Variants in ARHGAP8 observed in about 807,000 individuals in gnomAD.
ARHGAP8 encodes rho GTPase-activating protein 8.
ARHGAP8 carries 62 observed loss-of-function variants against 46.1 expected under a neutral mutation model. The ratio of observed to expected loss-of-function variants is 1.34; its 90% CI spans 1.10 to 1.66. The LOEUF (loss-of-function observed/expected upper bound fraction) is 1.66. Ranked by LOEUF, ARHGAP8 falls within the 40% of genes most tolerant of loss-of-function variation. ARHGAP8 has a pLI of 0.00. For synonymous variants in ARHGAP8, 375 were observed against 243.1 expected, an observed-to-expected ratio of 1.54 and a Z score of -5.05; for missense variants, 923 against 568.4, an observed-to-expected ratio of 1.62 and a Z score of -6.34.
At position 44,862,612 on chromosome 22, in the gene ARHGAP8, T is replaced by TTTCG. The variant is rs764486707; in HGVS notation, c.*17_*18insTTCG. 1 of 1,032,220 alleles carries TTTCG rather than the reference T, an allele frequency of 9.7e-7. No individual in the cohort carries two copies. Among genetic ancestry groups the TTTCG allele is most frequent in the Admixed American group, 4.0e-5 (1 of 24,782 alleles). The allele number at this position is 1,032,220 out of a possible 1,614,324, so 63.9% of individuals were successfully genotyped here. A position where few individuals can be genotyped will look rare whatever the true frequency, so the allele number is the denominator to read the frequency against. ...CGTCTCTAGTGTTGCGAACACTCTG[T>TTTCG]ATATTTCGAGCTACCTCCCACACCT... On this transcript the variant is annotated 3_prime_UTR_variant, in exon 12 of 12. Transcript: ENST00000356099.
chr22:44,822,569 G>T, intron 6 of ARHGAP8, 100 bp downstream of exon 6: 1 of 1,116,230 alleles, frequency 9.0e-7, no homozygotes. Flanking sequence ...ATTTCCAAAT[G>T]TGTGCTTGGC....
intron 10 of ARHGAP8, among the ~76,000 whole-genome samples, chr22:44,859,065 T>C (rs1189979965): frequency 6.6e-6 from 1 of 151,022 alleles, no homozygotes; most frequent in Admixed American, 6.6e-5. Flanking sequence ...TGGGCCGTAG[T>C]TTGCCAACCC....
chr22:44,855,989 T>A (rs1473837836), intron 10 of ARHGAP8, among the ~76,000 whole-genome samples: 1 of 152,104 alleles, frequency 6.6e-6, no homozygotes, highest in Non-Finnish European at 1.5e-5. Context: ...AGCAGGTGTC[T>A]CACGCAGTGC....
rs118052326 is a variant in ARHGAP8, at chr22:44,843,219, G to C, written c.597-2050G>C. Among the ~76,000 whole-genome samples the C allele has an allele frequency of 8.9e-3, 1,349 of 152,308 alleles. 14 individuals carry two copies. Among genetic ancestry groups the C allele is most frequent in the Non-Finnish European group, 0.015 (1,014 of 68,028 alleles). ...AACAATGCATTTTGCAAGCGGTAAAGCTGTGTATTTCAGAAATAAATGCCC... is the reference window on the plus strand; with the variant it reads ...AACAATGCATTTTGCAAGCGGTAAACCTGTGTATTTCAGAAATAAATGCCC... On this transcript the variant is annotated intron_variant, in intron 7 of 11. Coordinates refer to ENST00000356099, the MANE Select transcript of ARHGAP8 (RefSeq NM_181335.3).
At chr22:44,781,355 G>C (rs16992792) in intron 1 of ARHGAP8, among the ~76,000 whole-genome samples, 1,829 of 152,216 alleles carry the variant, frequency 0.012, 36 homozygotes, top group African/African-American at 0.042. Flanking sequence ...CTGTGGCAGC[G>C]TGACGGTAAT....
intron 5 of ARHGAP8, 84 bp from the exon 6 acceptor site, chr22:44,822,287 G>A (rs890017813): frequency 8.4e-6 from 10 of 1,185,362 alleles, no homozygotes; most frequent in Admixed American, 7.9e-5. Flanking sequence ...TTGTTCTGCC[G>A]CCAACTCCCC....
chr22:44,775,804 C>A (rs1024720934), intron 1 of ARHGAP8, among the ~76,000 whole-genome samples: 1 of 152,086 alleles, frequency 6.6e-6, no homozygotes, highest in African/African-American at 2.4e-5. Flanking sequence ...TAGCACAAAT[C>A]GTATCTCATT....
intron 11 of ARHGAP8, among the ~76,000 whole-genome samples, chr22:44,860,564 A>G (rs1388161599): frequency 2.0e-5 from 3 of 150,014 alleles, no homozygotes; most frequent in Non-Finnish European, 4.5e-5. Context: ...GACAGCTGCA[A>G]CGGCCCTCGT....
intron 1 of ARHGAP8, among the ~76,000 whole-genome samples, chr22:44,767,974 C>T (rs561174824): frequency 5.7e-5 from 8 of 140,174 alleles, no homozygotes; most frequent in South Asian, 2.3e-4. Flanking sequence ...ATTTCCTCCC[C>T]GCATGATGTC....
intron 8 of ARHGAP8, among the ~76,000 whole-genome samples, chr22:44,847,224 A>T (rs1165452683): frequency 1.3e-5 from 2 of 152,222 alleles, no homozygotes; most frequent in African/African-American, 4.8e-5. Flanking sequence ...GGGCCTGGCC[A>T]GAGGGAGCCC....
chr22:44,782,491 C>T (rs905362885), intron 1 of ARHGAP8, among the ~76,000 whole-genome samples: 10 of 152,174 alleles, frequency 6.6e-5, no homozygotes, highest in African/African-American at 2.4e-4. Flanking sequence ...TAAGCAGCCA[C>T]TCCCCTGCCC....
intron 10 of ARHGAP8, chr22:44,849,825 C>T (rs978619189): frequency 2.6e-5 from 4 of 152,242 alleles, no homozygotes; most frequent in African/African-American, 9.7e-5. Context: ...TTCTACCCCA[C>T]TGTGTATTCA....
chr22:44,850,797 T>C (rs2070072643), intron 10 of ARHGAP8: 1 of 151,972 alleles, frequency 6.6e-6, no homozygotes, highest in Admixed American at 6.6e-5. Context: ...AAACCCTGTC[T>C]CTACTAAAAT....
At chr22:44,779,413 T>A (rs1926671109) in intron 1 of ARHGAP8, among the ~76,000 whole-genome samples, 1 of 152,090 alleles carries the variant, frequency 6.6e-6, no homozygotes. Context: ...TGTCTGACTT[T>A]TTGTTCAACA....
At chr22:44,838,950 C>G (rs1413698444) in intron 7 of ARHGAP8, among the ~76,000 whole-genome samples, 2 of 152,218 alleles carry the variant, frequency 1.3e-5, no homozygotes, top group Admixed American at 1.3e-4. Flanking sequence ...AGAGCGCCAG[C>G]ATCTCTGCTT....
intron 4 of ARHGAP8, among the ~76,000 whole-genome samples, chr22:44,813,526 C>T (rs746900580): frequency 1.3e-5 from 2 of 151,616 alleles, no homozygotes; most frequent in Non-Finnish European, 2.9e-5. Context: ...TACATATACA[C>T]ACCTACGTAT....
intron 10 of ARHGAP8, among the ~76,000 whole-genome samples, chr22:44,855,785 T>A (rs1464465914): frequency 6.6e-6 from 1 of 152,120 alleles, no homozygotes; most frequent in Non-Finnish European, 1.5e-5. Context: ...CCCTCAGAGC[T>A]GGTGATGGCT....
chr22:44,835,250 T>C (rs1370711633), intron 7 of ARHGAP8, among the ~76,000 whole-genome samples: 1 of 151,212 alleles, frequency 6.6e-6, no homozygotes, highest in Non-Finnish European at 1.5e-5. Flanking sequence ...TATATATATA[T>C]TTAAAGTATT....
intron 3 of ARHGAP8, among the ~76,000 whole-genome samples, chr22:44,807,865 C>T (rs114571926): frequency 0.012 from 1,859 of 152,292 alleles, 33 homozygotes; most frequent in African/African-American, 0.043. Flanking sequence ...TCCGTCTTTA[C>T]GTGACCTTCC....
Sources: allele counts gnomAD v4.1 joint callset (sites outside exome capture counted in the v4.1 genomes callset), GRCh38; gene constraint gnomAD v4.1.1; transcripts MANE v1.5; gene names NCBI Gene and HGNC (gene_info 2026-07-23, HGNC 2026-07-21).